Variants in DCC observed in about 807,000 individuals in gnomAD.
The protein encoded by DCC is DCC netrin 1 receptor, also known as netrin receptor DCC.
A neutral mutation model predicts 172.5 loss-of-function variants in DCC; 58 were observed. The observed-to-expected ratio is 0.34, with a 90% CI of 0.27 to 0.42. The LOEUF (loss-of-function observed/expected upper bound fraction) is 0.42. Ranked by LOEUF, DCC falls within the 10% of genes least tolerant of loss-of-function variation. The pLI, the probability that DCC is intolerant of heterozygous loss-of-function variation, is 1.00. For synonymous variants in DCC, 709 were observed against 644.5 expected (o/e 1.10, Z -1.52); for missense variants, 1,740 against 1,791.0 (o/e 0.97, Z 0.51).
chr18:52,934,388 C>T (rs1439209125), intron 5 of DCC, among the ~76,000 whole-genome samples: 1 of 152,078 alleles, frequency 6.6e-6, no homozygotes, highest in Non-Finnish European at 1.5e-5. Flanking sequence ...TGCTTCTACA[C>T]CTTGCTGTTC....
At chr18:53,516,085 C>T (rs1419964176) in intron 27 of DCC, among the ~76,000 whole-genome samples, 3 of 146,422 alleles carry the variant, frequency 2.0e-5, no homozygotes, top group Admixed American at 6.6e-5. Context: ...CAGGATGGTA[C>T]TGGTACCAAA....
chr18:53,530,486 A>G, intron 28 of DCC, 78 bp from the exon 29 acceptor site: 3 of 850,920 alleles, frequency 3.5e-6, no homozygotes, highest in Non-Finnish European at 6.2e-6. Flanking sequence ...TAGCACCCCA[A>G]CTAGCTGTGG....
In DCC at chr18:52,928,262, C is replaced by A. The variant is rs937347047; in HGVS notation, c.985+2892C>A. Among the ~76,000 whole-genome samples, 3 of 151,950 alleles carry A rather than the reference C, an allele frequency of 2.0e-5. No homozygotes were observed. The East Asian group carries it at 5.8e-4, about 29-fold the overall frequency. On this transcript the variant is annotated intron_variant, in intron 5 of 28. Coordinates refer to ENST00000442544, the MANE Select transcript of DCC (RefSeq NM_005215.4). Reference sequence around the variant, plus strand: ...TCCTTAGGTACTTGATGTTTAGTTTCCAATGTGGGACACTGGGGCCTACTG... The same window carrying A: ...TCCTTAGGTACTTGATGTTTAGTTTACAATGTGGGACACTGGGGCCTACTG...
chr18:52,802,478 C>CA (rs1378139684), intron 2 of DCC, among the ~76,000 whole-genome samples: 2 of 64,102 alleles, frequency 3.1e-5, no homozygotes, highest in Non-Finnish European at 8.0e-5. Flanking sequence ...TTACTCCCAG[C>CA]AATTTTTTTT....
intron 1 of DCC, among the ~76,000 whole-genome samples, chr18:52,457,830 A>G (rs9959000): frequency 4.1e-4 from 62 of 152,302 alleles, no homozygotes; most frequent in African/African-American, 1.4e-3. Flanking sequence ...TCAAATTCCC[A>G]TTGACTTGGG....
At chr18:52,967,066 A>T (rs1485955349) in intron 5 of DCC, among the ~76,000 whole-genome samples, 2 of 152,170 alleles carry the variant, frequency 1.3e-5, no homozygotes. Flanking sequence ...GCATGCTTAA[A>T]TCCCTCTGAA....
chr18:52,587,185 C>T lies in DCC; in HGVS notation c.92-164869C>T, dbSNP rs146965007. 1.7e-3 allele frequency among the ~76,000 whole-genome samples: 260 copies of T among 152,328 alleles called. 1 individual carries two copies. Among genetic ancestry groups the T allele is most frequent in the African/African-American group, 5.8e-3 (241 of 41,570 alleles). On this transcript the variant is annotated intron_variant, in intron 1 of 28. Transcript: ENST00000442544. ...CACCCTGAGGAATGGTGCTATATCG[C>T]GGGCTCAGTGTTGGTCTCTGCTGCT... is the stretch of plus-strand genomic sequence containing the variant.
chr18:53,319,061 C>A (rs2057377104), intron 13 of DCC, among the ~76,000 whole-genome samples: 1 of 152,068 alleles, frequency 6.6e-6, no homozygotes, highest in Non-Finnish European at 1.5e-5. Flanking sequence ...CAAGCAAATG[C>A]TGAGAGATTT....
intron 5 of DCC, among the ~76,000 whole-genome samples, chr18:52,927,542 T>A (rs1331281150): frequency 6.6e-6 from 1 of 152,050 alleles, no homozygotes; most frequent in East Asian, 1.9e-4. Flanking sequence ...GTATGACACT[T>A]GGATGCTTCT....
intron 2 of DCC, among the ~76,000 whole-genome samples, chr18:52,774,497 CA>C (rs1167226103): frequency 6.6e-6 from 1 of 152,224 alleles, no homozygotes; most frequent in African/African-American, 2.4e-5. Flanking sequence ...AACAAGTAGC[CA>C]TTACTCCCAA....
chr18:52,942,296 A>G (rs2040476516), intron 5 of DCC, among the ~76,000 whole-genome samples: 1 of 152,142 alleles, frequency 6.6e-6, no homozygotes, highest in Non-Finnish European at 1.5e-5. Context: ...TTAATATTCA[A>G]GTTTGTTCAA....
At chr18:53,439,890 A>G (rs912248878) in intron 22 of DCC, among the ~76,000 whole-genome samples, 7 of 147,378 alleles carry the variant, frequency 4.7e-5, no homozygotes, top group African/African-American at 9.9e-5. Context: ...TCAGCCTCCC[A>G]AGTAGCTGGG....
intron 1 of DCC, among the ~76,000 whole-genome samples, chr18:52,594,163 G>T (rs768631525): frequency 1.3e-5 from 2 of 152,180 alleles, no homozygotes. Flanking sequence ...AAGGAAAAGG[G>T]CACCCCCCTG....
chr18:52,903,877 C>A (rs184355776), intron 2 of DCC, among the ~76,000 whole-genome samples: 1 of 152,166 alleles, frequency 6.6e-6, no homozygotes, highest in Non-Finnish European at 1.5e-5. Flanking sequence ...AGTAGATTAA[C>A]GTACTTCTTT....
intron 1 of DCC, among the ~76,000 whole-genome samples, chr18:52,701,175 C>A (rs1413257974): frequency 6.6e-6 from 1 of 152,112 alleles, no homozygotes; most frequent in African/African-American, 2.4e-5. Context: ...ATTAAAAAAT[C>A]TTTCCAAGTG....
At chr18:52,951,788 G>A (rs1419397522) in intron 5 of DCC, among the ~76,000 whole-genome samples, 1 of 151,974 alleles carries the variant, frequency 6.6e-6, no homozygotes, top group Non-Finnish European at 1.5e-5. Context: ...ATAGCATTAG[G>A]GTCAACATTG....
chr18:52,781,513 CACTT>C (rs1182946540), intron 2 of DCC, among the ~76,000 whole-genome samples: 2 of 152,122 alleles, frequency 1.3e-5, no homozygotes, highest in Non-Finnish European at 2.9e-5. Context: ...GGGAGTTTCT[CACTT>C]AGAGGAGCTA....
At chr18:52,849,763 G>A (rs1220616936) in intron 2 of DCC, among the ~76,000 whole-genome samples, 1 of 152,064 alleles carries the variant, frequency 6.6e-6, no homozygotes, top group Non-Finnish European at 1.5e-5. Context: ...ACAGACAAAG[G>A]AGCCAAAGGG....
At chr18:52,683,840 AAAAACCACGTATGTACTGTTGGT>A (rs1437704726) in intron 1 of DCC, among the ~76,000 whole-genome samples, 1 of 152,126 alleles carries the variant, frequency 6.6e-6, no homozygotes, top group Non-Finnish European at 1.5e-5. Flanking sequence ...TACAGTGGGT[AAAAACCACGTATGTACTGTTGGT>A]AAAAGCACAC....
Sources: gnomAD v4.1 joint callset for allele counts (sites outside exome capture counted in the v4.1 genomes callset) on GRCh38, gnomAD v4.1.1 for gene constraint, MANE v1.5 for transcripts, NCBI Gene and HGNC (gene_info 2026-07-23, HGNC 2026-07-21) for gene names.